IL1RAPL1: variants seen among roughly 807,000 people sequenced by gnomAD.
The protein encoded by IL1RAPL1 is interleukin-1 receptor accessory protein-like 1.
IL1RAPL1 carries 3 observed loss-of-function variants against 48.4 expected under a neutral mutation model. The observed-to-expected ratio is 0.06, with a 90% CI of 0.03 to 0.16. The LOEUF (loss-of-function observed/expected upper bound fraction) is 0.16, where lower values mean the gene tolerates loss of function less well. Among genes scored for constraint, IL1RAPL1 ranks in the 10% least tolerant of loss-of-function variants. IL1RAPL1 has a pLI of 1.00. For synonymous variants in IL1RAPL1, 185 were observed against 187.7 expected (o/e 0.99, Z 0.12); for missense variants, 349 against 530.6 (o/e 0.66, Z 3.36).
At chrX:29,413,081 C>T (rs1227535900) in intron 5 of IL1RAPL1, among the ~76,000 whole-genome samples, 1 of 111,191 alleles carries the variant, frequency 9.0e-6, no homozygotes, top group Non-Finnish European at 1.9e-5. Flanking sequence ...CGGGTCTTTG[C>T]CATGCTGTTC....
chrX:29,938,395 T>G (rs1342960008), intron 8 of IL1RAPL1, among the ~76,000 whole-genome samples: 4 of 111,136 alleles, frequency 3.6e-5, no homozygotes, highest in Admixed American at 9.6e-5. Context: ...GCATGCCACA[T>G]GCCCAGCCCC....
At chrX:28,999,493 T>G (rs1416999513) in intron 2 of IL1RAPL1, among the ~76,000 whole-genome samples, 1 of 111,856 alleles carries the variant, frequency 8.9e-6, no homozygotes, top group Non-Finnish European at 1.9e-5. Context: ...CCTCTTCATT[T>G]TCCTGTGTCT....
At chrX:29,287,966 A>G (rs994568596) in intron 3 of IL1RAPL1, among the ~76,000 whole-genome samples, 2 of 111,400 alleles carry the variant, frequency 1.8e-5, no homozygotes, top group African/African-American at 6.5e-5. Flanking sequence ...GAAGTCTAAA[A>G]ATTCTGCCAA....
At chrX:28,795,978 G>A (rs1490078757) in intron 2 of IL1RAPL1, among the ~76,000 whole-genome samples, 2 of 111,512 alleles carry the variant, frequency 1.8e-5, no homozygotes, top group African/African-American at 6.5e-5. Flanking sequence ...ATATGGCTGG[G>A]GAAGCCTCAC....
intron 1 of IL1RAPL1, among the ~76,000 whole-genome samples, chrX:28,770,194 TAGTG>T (rs748579446): frequency 1.8e-5 from 2 of 112,209 alleles, no homozygotes; most frequent in African/African-American, 6.5e-5. Flanking sequence ...AGAAGTATGG[TAGTG>T]AGTAATTTAA....
intron 2 of IL1RAPL1, among the ~76,000 whole-genome samples, chrX:28,952,900 C>A (rs1259760740): frequency 1.8e-5 from 2 of 111,274 alleles, no homozygotes; most frequent in African/African-American, 6.5e-5. Flanking sequence ...CAGGATAAAA[C>A]AAGGGTCATG....
At chrX:29,557,820 A>G (rs1016785053) in intron 5 of IL1RAPL1, among the ~76,000 whole-genome samples, 1 of 111,445 alleles carries the variant, frequency 9.0e-6, no homozygotes, top group African/African-American at 3.3e-5. Context: ...CTTCCAGGTT[A>G]ATCTGTGTTG....
intron 5 of IL1RAPL1, among the ~76,000 whole-genome samples, chrX:29,485,074 G>A (rs1254473971): frequency 1.8e-5 from 2 of 111,574 alleles, no homozygotes; most frequent in African/African-American, 6.5e-5. Flanking sequence ...TTTAATATTG[G>A]GAAAATCTTG....
At chrX:29,104,425 A>T (rs1928407026) in intron 2 of IL1RAPL1, among the ~76,000 whole-genome samples, 1 of 111,426 alleles carries the variant, frequency 9.0e-6, no homozygotes, top group Non-Finnish European at 1.9e-5. Context: ...AAATTAAAAC[A>T]ATTGAACTCA....
At chrX:29,927,597 C>G (rs1932901524) in intron 8 of IL1RAPL1, among the ~76,000 whole-genome samples, 1 of 111,527 alleles carries the variant, frequency 9.0e-6, no homozygotes, top group Non-Finnish European at 1.9e-5. Flanking sequence ...CTGTTGGACC[C>G]ATTTCCTATT....
intron 2 of IL1RAPL1, among the ~76,000 whole-genome samples, chrX:29,002,792 C>T (rs1602005665): frequency 9.0e-6 from 1 of 111,297 alleles, no homozygotes; most frequent in East Asian, 2.8e-4. Flanking sequence ...ATAGTGATAA[C>T]ACTTTTATTT....
chrX:29,175,073 C>CAAA (rs3065738), intron 2 of IL1RAPL1, among the ~76,000 whole-genome samples: 2 of 61,526 alleles, frequency 3.3e-5, no homozygotes, highest in East Asian at 5.4e-4. Flanking sequence ...GACTCCGTCT[C>CAAA]AAAAAAAAAA....
At chrX:29,945,679 A>T (rs146801629) in intron 9 of IL1RAPL1, among the ~76,000 whole-genome samples, 1,762 of 111,962 alleles carry the variant, frequency 0.016, 37 homozygotes, top group African/African-American at 0.054. Flanking sequence ...ATTCCAAGAT[A>T]TACAGCCATT....
chrX:29,930,200 T>G (rs2147245522), intron 8 of IL1RAPL1, among the ~76,000 whole-genome samples: 1 of 112,609 alleles, frequency 8.9e-6, no homozygotes, highest in African/African-American at 3.2e-5. Flanking sequence ...CAAAACTGAT[T>G]ATTATTTATG....
chrX:29,166,406 A>G (rs1929786404), intron 2 of IL1RAPL1, among the ~76,000 whole-genome samples: 1 of 111,988 alleles, frequency 8.9e-6, no homozygotes, highest in East Asian at 2.8e-4. Flanking sequence ...ACTGTCATAA[A>G]GTAATCTTCA....
intron 2 of IL1RAPL1, among the ~76,000 whole-genome samples, chrX:29,265,922 T>C: frequency 9.1e-6 from 1 of 110,180 alleles, no homozygotes; most frequent in African/African-American, 3.3e-5. Flanking sequence ...TGAGATACTA[T>C]CTCACACCAG....
intron 2 of IL1RAPL1, among the ~76,000 whole-genome samples, chrX:29,251,432 A>G (rs1247950002): frequency 1.8e-5 from 2 of 111,680 alleles, no homozygotes; most frequent in East Asian, 2.8e-4. Context: ...TATGGGGATA[A>G]CAGTAGACCG....
At chrX:29,167,816 G>C (rs1368761120) in intron 2 of IL1RAPL1, among the ~76,000 whole-genome samples, 4 of 110,015 alleles carry the variant, frequency 3.6e-5, no homozygotes, top group Non-Finnish European at 5.7e-5. Flanking sequence ...CAATAAATCG[G>C]CTTACTTACT....
intron 5 of IL1RAPL1, among the ~76,000 whole-genome samples, chrX:29,402,311 T>G (rs931180679): frequency 9.0e-6 from 1 of 110,978 alleles, no homozygotes; most frequent in Admixed American, 9.7e-5. Context: ...TTCTCACCCT[T>G]TCTTCAAGGC....
Sources: allele counts gnomAD v4.1 joint callset (sites outside exome capture counted in the v4.1 genomes callset), GRCh38; gene constraint gnomAD v4.1.1; transcripts MANE v1.5; gene names NCBI Gene and HGNC (gene_info 2026-07-23, HGNC 2026-07-21).